The following PTK2 variants were observed in gnomAD, a reference collection of about 807,000 sequenced individuals.
The protein encoded by PTK2 is protein tyrosine kinase 2.
PTK2 carries 45 observed loss-of-function variants against 150.1 expected under a neutral mutation model. That is an observed-to-expected ratio of 0.30 (90% CI 0.24 to 0.38). PTK2 has a LOEUF of 0.38. PTK2 is among the 10% of genes least tolerant of loss of function. The pLI, the probability that PTK2 is intolerant of heterozygous loss-of-function variation, is 1.00. For missense variants in PTK2, 919 were observed against 1,307.3 expected, an observed-to-expected ratio of 0.70 and a Z score of 4.58; for synonymous variants, 432 against 449.2, an observed-to-expected ratio of 0.96 and a Z score of 0.48.
In PTK2 at chr8:140,995,810, AAGAT is replaced by A. The variant is rs199649090; in HGVS notation, c.-122+5311_-122+5314del. On this transcript the variant is annotated intron_variant, in intron 1 of 31. Coordinates refer to ENST00000522684, the Ensembl canonical transcript of PTK2. ...ATAAATAAAATAAAATAAAATAAAA[AAGAT>A]AGGCCAAAAGCGAGGCCTCCTGTGC... Among the ~76,000 whole-genome samples the A allele has an allele frequency of 3.5e-3, 532 of 152,310 alleles. 14 individuals carry two copies. In the East Asian group the frequency reaches 0.064, roughly 18 times the overall value.
chr8:140,685,352 G>C (rs1432584134), intron 27 of PTK2, among the ~76,000 whole-genome samples: 5 of 152,034 alleles, frequency 3.3e-5, no homozygotes, highest in Non-Finnish European at 5.9e-5. Context: ...TTCATGACGA[G>C]GACACCAAAA....
At chr8:140,791,041 T>A (rs2100088133) in intron 13 of PTK2, among the ~76,000 whole-genome samples, 1 of 152,250 alleles carries the variant, frequency 6.6e-6, no homozygotes, top group South Asian at 2.1e-4. Flanking sequence ...CCTGCTGCTA[T>A]AAGGTTTGTG....
At chr8:140,714,753 C>T (rs1419554445) in intron 23 of PTK2, among the ~76,000 whole-genome samples, 12 of 133,020 alleles carry the variant, frequency 9.0e-5, no homozygotes, top group African/African-American at 1.4e-4. Flanking sequence ...GCCAAGATTG[C>T]GCCACTGCAC....
intron 3 of PTK2, among the ~76,000 whole-genome samples, chr8:140,885,589 T>C (rs1298031209): frequency 6.6e-6 from 1 of 152,168 alleles, no homozygotes; most frequent in African/African-American, 2.4e-5. Flanking sequence ...TAGACTGGCA[T>C]GCCCTGGCAG....
At chr8:140,760,435 G>A (rs562551041) in intron 16 of PTK2, among the ~76,000 whole-genome samples, 1 of 152,204 alleles carries the variant, frequency 6.6e-6, no homozygotes, top group South Asian at 2.1e-4. Context: ...CCGCAACATG[G>A]ATGAACCTTA....
At chr8:140,780,347 A>T (rs987476224) in intron 14 of PTK2, among the ~76,000 whole-genome samples, 22 of 152,316 alleles carry the variant, frequency 1.4e-4, no homozygotes, top group African/African-American at 5.1e-4. Context: ...GATTAGTCTT[A>T]ACATCACAAA....
intron 14 of PTK2, among the ~76,000 whole-genome samples, chr8:140,788,118 C>G (rs1457849779): frequency 6.6e-6 from 1 of 152,196 alleles, no homozygotes; most frequent in Admixed American, 6.5e-5. Flanking sequence ...ACTAGGGCTA[C>G]TCCAAGAAGT....
chr8:140,838,355 T>C (rs1567293796), intron 7 of PTK2, among the ~76,000 whole-genome samples: 1 of 152,214 alleles, frequency 6.6e-6, no homozygotes, highest in Non-Finnish European at 1.5e-5. Flanking sequence ...AGAGAGCTGC[T>C]GGGGTTCCCA....
intron 4 of PTK2, among the ~76,000 whole-genome samples, chr8:140,873,504 CGCCTAGGCTGGAGTG>C (rs2100143781): frequency 6.6e-6 from 1 of 151,940 alleles, no homozygotes; most frequent in South Asian, 2.1e-4. Context: ...CTCGCTCTGT[CGCCTAGGCTGGAGTG>C]GAGTGGCACG....
intron 14 of PTK2, among the ~76,000 whole-genome samples, chr8:140,768,347 T>C (rs1052995192): frequency 2.0e-5 from 3 of 152,218 alleles, no homozygotes; most frequent in Non-Finnish European, 2.9e-5. Context: ...GGCTAATTCA[T>C]AGTATTGAGA....
intron 2 of PTK2, among the ~76,000 whole-genome samples, chr8:140,896,988 T>C (rs1188525555): frequency 6.6e-6 from 1 of 152,228 alleles, no homozygotes; most frequent in Non-Finnish European, 1.5e-5. Context: ...CTTCTGATCA[T>C]TTTAGCTAAC....
At chr8:140,958,703 A>G (rs974504025) in intron 1 of PTK2, among the ~76,000 whole-genome samples, 31 of 152,238 alleles carry the variant, frequency 2.0e-4, no homozygotes, top group Non-Finnish European at 3.1e-4. Context: ...AATAAAATAT[A>G]CTAATAATGT....
At chr8:140,914,182 A>G (rs895785987) in intron 2 of PTK2, among the ~76,000 whole-genome samples, 11 of 152,216 alleles carry the variant, frequency 7.2e-5, no homozygotes, top group East Asian at 1.9e-4. Context: ...CTACGAATCA[A>G]TGACATTATA....
rs2100062597 is a variant in PTK2 at position 140,751,427 on chromosome 8, A to C, written c.1417+805T>G. ...CAATCCTCTCACCTCGGCCTCCCAA[A>C]GTACTGGGATTACACGTGTGAGCCA... On this transcript the variant is annotated intron_variant, in intron 17 of 31. Coordinates refer to ENST00000522684, the Ensembl canonical transcript of PTK2. Among the ~76,000 whole-genome samples the C allele has an allele frequency of 2.0e-5, 3 of 151,766 alleles. 1 individual carries two copies. In the South Asian group the frequency reaches 6.3e-4, roughly 32 times the overall value.
At chr8:140,882,279 G>A (rs1466888863) in intron 3 of PTK2, among the ~76,000 whole-genome samples, 3 of 152,136 alleles carry the variant, frequency 2.0e-5, no homozygotes, top group Non-Finnish European at 2.9e-5. Flanking sequence ...TGAGAACTAC[G>A]TATTTAGTGA....
At chr8:140,694,334 C>T (rs1003808233) in intron 26 of PTK2, among the ~76,000 whole-genome samples, 15 of 152,166 alleles carry the variant, frequency 9.9e-5, no homozygotes, top group African/African-American at 3.6e-4. Context: ...AGCCACCGCA[C>T]CCGGCCTGGT....
intron 1 of PTK2, among the ~76,000 whole-genome samples, chr8:140,989,149 G>T (rs545242989): frequency 2.0e-5 from 3 of 148,662 alleles, no homozygotes; most frequent in Non-Finnish European, 4.4e-5. Flanking sequence ...AAGCAAAGGC[G>T]GGAGGACTGG....
intron 10 of PTK2, among the ~76,000 whole-genome samples, chr8:140,817,807 G>A (rs890535124): frequency 2.0e-5 from 3 of 152,140 alleles, no homozygotes; most frequent in African/African-American, 7.2e-5. Context: ...GTGAGGTGTG[G>A]GGTAGAAGTG....
At chr8:140,950,163 C>T (rs1020539792) in intron 1 of PTK2, among the ~76,000 whole-genome samples, 1 of 152,218 alleles carries the variant, frequency 6.6e-6, no homozygotes, top group African/African-American at 2.4e-5. Flanking sequence ...TCTTCCTGGA[C>T]ACTGGATAAG....
Sources: allele counts gnomAD v4.1 joint callset (sites outside exome capture counted in the v4.1 genomes callset), GRCh38; gene constraint gnomAD v4.1.1; transcripts MANE v1.5; gene names NCBI Gene and HGNC (gene_info 2026-07-23, HGNC 2026-07-21).